The following RFT1 variants were observed in gnomAD, a reference collection of about 807,000 sequenced individuals.
RFT1 encodes the protein man(5)GlcNAc(2)-PP-dolichol translocation protein RFT1.
Under a neutral mutation model 62.2 loss-of-function variants are expected in RFT1, and 43 were observed. The ratio of observed to expected loss-of-function variants is 0.69; its 90% CI spans 0.54 to 0.89. The LOEUF is 0.89. RFT1 is among the 40% of genes least tolerant of loss of function. The pLI is 0.00. For synonymous variants in RFT1, 262 were observed against 264.6 expected (o/e 0.99, Z 0.10); for missense variants, 605 against 649.9 (o/e 0.93, Z 0.75).
At chr3:53,080,103 C>T in the RFT1 span, among the ~76,000 whole-genome samples, 21 of 152,368 alleles carry the variant, frequency 1.4e-4, no homozygotes, top group Non-Finnish European at 2.5e-4. Flanking sequence ...ACAAAGCCAC[C>T]TTCTTTCCTG....
intron 7 of RFT1, among the ~76,000 whole-genome samples, chr3:53,110,450 C>T (rs1284226059): frequency 1.3e-5 from 2 of 152,198 alleles, no homozygotes; most frequent in East Asian, 3.9e-4. Context: ...TCTGAGGCTT[C>T]TGACCCTCCC....
chr3:53,107,403 C>T (rs912507602), intron 7 of RFT1, among the ~76,000 whole-genome samples: 2 of 152,056 alleles, frequency 1.3e-5, no homozygotes, highest in African/African-American at 4.8e-5. Context: ...TCCCAAAGTG[C>T]TGGGATTACA....
At chr3:53,113,338 G>A (rs1029369211) in intron 6 of RFT1, among the ~76,000 whole-genome samples, 2 of 152,162 alleles carry the variant, frequency 1.3e-5, no homozygotes, top group African/African-American at 4.8e-5. Context: ...TAATCCTAGG[G>A]TACTTGCATT....
downstream of RFT1, among the ~76,000 whole-genome samples, chr3:53,088,016 T>C (rs1700895868): frequency 6.6e-6 from 1 of 152,186 alleles, no homozygotes; most frequent in Non-Finnish European, 1.5e-5. Flanking sequence ...TAACAGTCTT[T>C]GAACTAGGTG....
At chr3:53,124,632 A>G (rs754346087) in intron 2 of RFT1, among the ~76,000 whole-genome samples, 12 of 152,158 alleles carry the variant, frequency 7.9e-5, no homozygotes, top group Admixed American at 2.6e-4. Context: ...CTGAGCCCCT[A>G]GGAGGATTTG....
chr3:53,100,307 A>G, intron 10 of RFT1, among the ~76,000 whole-genome samples: 1 of 152,224 alleles, frequency 6.6e-6, no homozygotes, highest in African/African-American at 2.4e-5. Context: ...CTTCGGAAAA[A>G]TCTTCTAAGC....
chr3:53,110,738 C>T (rs1004433133), intron 7 of RFT1, among the ~76,000 whole-genome samples: 6 of 151,670 alleles, frequency 4.0e-5, no homozygotes, highest in African/African-American at 1.2e-4. Flanking sequence ...TTTTTTCTAA[C>T]GGGACTATAT....
the RFT1 span, among the ~76,000 whole-genome samples, chr3:53,078,982 C>T: frequency 6.6e-6 from 1 of 152,224 alleles, no homozygotes; most frequent in Non-Finnish European, 1.5e-5. Context: ...CTAGATCTCA[C>T]AAGGAGTAAA....
chr3:53,071,275 C>A, the RFT1 span, among the ~76,000 whole-genome samples: 2 of 152,188 alleles, frequency 1.3e-5, no homozygotes, highest in Non-Finnish European at 2.9e-5. Flanking sequence ...GGTGGTAAGA[C>A]CTGAGCCGGC....
chr3:53,070,397 T>TTTTTG, the RFT1 span, among the ~76,000 whole-genome samples: 1 of 132,358 alleles, frequency 7.6e-6, no homozygotes, highest in Non-Finnish European at 1.6e-5. Context: ...ATTATGGTTT[T>TTTTTG]TTTTTTTTTT....
At chr3:53,111,687 C>T (rs891920240) in intron 7 of RFT1, 143 bp downstream of exon 7, 16 of 724,200 alleles carry the variant, frequency 2.2e-5, no homozygotes, top group Admixed American at 1.4e-4. Context: ...TTTCTCTCTC[C>T]GTATTAAGCC....
At chr3:53,102,942 G>C (rs769850322) in intron 10 of RFT1, among the ~76,000 whole-genome samples, 2 of 152,162 alleles carry the variant, frequency 1.3e-5, no homozygotes, top group Non-Finnish European at 2.9e-5. Context: ...CAGAATAGTC[G>C]AGTTCCCAAT....
rs750521781 is a variant in RFT1, at chr3:53,121,780, C to G, written c.477G>C (p.Ser159=). 1.4e-5 allele frequency: 22 copies of G among 1,613,454 alleles called. No individual in the cohort carries two copies. The highest frequency in any genetic ancestry group is 2.7e-5 in the African/African-American group (2 of 74,894). The change falls in exon 5 of 13, where the codon TCG becomes TCC. Residue 159 remains serine, a synonymous_variant. Transcript: ENST00000296292. The part of the protein sequence containing the change: ...VKLKVIAESL[S]VILKSVLTAF... The stretch of plus-strand genomic sequence containing the variant: ...CTGTCAGAACGCTCTTAAGAATTAC[C>G]GACAGGCTCTCTGCAATCACCTGCA...
intron 9 of RFT1, among the ~76,000 whole-genome samples, chr3:53,105,462 G>C (rs1259497875): frequency 6.7e-6 from 1 of 148,272 alleles, no homozygotes; most frequent in Non-Finnish European, 1.5e-5. Flanking sequence ...ACAAAGGTGT[G>C]AGAAGGAAGG....
chr3:53,067,824 G>A, the RFT1 span, among the ~76,000 whole-genome samples: 1 of 152,342 alleles, frequency 6.6e-6, no homozygotes, highest in South Asian at 2.1e-4. Flanking sequence ...GTGATAATGG[G>A]AATATCTAAC....
At chr3:53,092,220 A>G in intron 12 of RFT1, 149 bp downstream of exon 12, 4 of 1,414,506 alleles carry the variant, frequency 2.8e-6, no homozygotes, top group Admixed American at 3.9e-5. Context: ...CCCATTGGCA[A>G]CATTCTCTTG....
Position 53,091,778 on chromosome 3 carries a change from T to C in RFT1, c.*125A>G, listed in dbSNP as rs1429922493. The C allele has an allele frequency of 1.1e-5, 11 of 1,004,698 alleles. No individual in the cohort carries two copies. The highest frequency in any genetic ancestry group is 3.1e-5 in the African/African-American group (2 of 63,672). The allele number at this position is 1,004,698 out of a possible 1,614,324, so 62.2% of individuals were successfully genotyped here. ...TCATGCAGTGGCACTCTCTGGTGCC[T>C]CATCTCTGGGGTTGCTGTCACTCCG... On this transcript the variant is annotated 3_prime_UTR_variant, in exon 13 of 13. Coordinates refer to ENST00000296292, the MANE Select transcript of RFT1 (RefSeq NM_052859.4).
At chr3:53,079,415 ACTC>A in the RFT1 span, among the ~76,000 whole-genome samples, 2 of 151,880 alleles carry the variant, frequency 1.3e-5, no homozygotes, top group African/African-American at 2.4e-5. Flanking sequence ...TCCCAGGAAA[ACTC>A]CACCTTATCA....
intron 4 of RFT1, 76 bp downstream of exon 4, chr3:53,122,298 C>T (rs886972991): frequency 3.0e-6 from 4 of 1,355,446 alleles, no homozygotes; most frequent in Admixed American, 3.4e-5. Flanking sequence ...TCATTCTCTC[C>T]TATAAAAGCA....
Sources: allele counts gnomAD v4.1 joint callset (sites outside exome capture counted in the v4.1 genomes callset), GRCh38; gene constraint gnomAD v4.1.1; transcripts MANE v1.5; gene names NCBI Gene and HGNC (gene_info 2026-07-23, HGNC 2026-07-21).